DYNC2I1: variants seen among roughly 807,000 people sequenced by gnomAD.
DYNC2I1 encodes cytoplasmic dynein 2 intermediate chain 1.
DYNC2I1 carries 89 observed loss-of-function variants against 133.4 expected under a neutral mutation model. The ratio of observed to expected loss-of-function variants is 0.67; its 90% CI spans 0.56 to 0.80. The LOEUF (loss-of-function observed/expected upper bound fraction) is 0.80. Ranked by LOEUF, DYNC2I1 falls within the 30% of genes least tolerant of loss-of-function variation. The pLI is 0.00. For missense variants in DYNC2I1, 1,291 were observed against 1,314.5 expected, an observed-to-expected ratio of 0.98 and a Z score of 0.28; for synonymous variants, 504 against 484.3, an observed-to-expected ratio of 1.04 and a Z score of -0.54.
intron 16 of DYNC2I1, among the ~76,000 whole-genome samples, chr7:158,923,073 G>C (rs185962602): frequency 2.0e-5 from 3 of 152,304 alleles, no homozygotes; most frequent in African/African-American, 7.2e-5. Flanking sequence ...CTTGAGGACT[G>C]TGCGGTGAGG....
At chr7:158,934,635 C>A in intron 23 of DYNC2I1, 86 bp downstream of exon 23, 1 of 1,389,072 alleles carries the variant, frequency 7.2e-7, no homozygotes, top group Non-Finnish European at 9.8e-7. Context: ...AGCTGGAGTG[C>A]AGTGATGTGG....
intron 21 of DYNC2I1, among the ~76,000 whole-genome samples, 194 bp downstream of exon 21, chr7:158,930,709 C>T (rs1377129407): frequency 1.3e-5 from 2 of 152,038 alleles, no homozygotes; most frequent in African/African-American, 4.8e-5. Flanking sequence ...ACTCTTGTTG[C>T]CCCGGCTGGA....
At chr7:158,890,904 C>T (rs1845145613) in intron 7 of DYNC2I1, among the ~76,000 whole-genome samples, 1 of 152,140 alleles carries the variant, frequency 6.6e-6, no homozygotes, top group Admixed American at 6.6e-5. Context: ...CATAGATCTT[C>T]CTAGTGTCAT....
chr7:158,949,673 A>G (rs1851994784), downstream of DYNC2I1, among the ~76,000 whole-genome samples: 1 of 152,262 alleles, frequency 6.6e-6, no homozygotes, highest in Non-Finnish European at 1.5e-5. Flanking sequence ...AGGAGCGGAA[A>G]GCTAGAGGAG....
chr7:158,916,139 G>A (rs1210263195), intron 14 of DYNC2I1, among the ~76,000 whole-genome samples: 13 of 81,050 alleles, frequency 1.6e-4, no homozygotes, highest in South Asian at 3.6e-4. Flanking sequence ...GTGAAACGTC[G>A]ACATGGTGGT....
intron 24 of DYNC2I1, among the ~76,000 whole-genome samples, chr7:158,943,645 G>T (rs1401727275): frequency 1.3e-5 from 2 of 152,172 alleles, no homozygotes; most frequent in African/African-American, 2.4e-5. Flanking sequence ...CTGAGCACAG[G>T]AGCCCCAGCT....
chr7:158,889,370 A>T (rs1172960577), intron 7 of DYNC2I1, among the ~76,000 whole-genome samples: 1 of 151,954 alleles, frequency 6.6e-6, no homozygotes, highest in Non-Finnish European at 1.5e-5. Context: ...GTGAGCCACC[A>T]CGTCTGGCCA....
intron 14 of DYNC2I1, among the ~76,000 whole-genome samples, chr7:158,916,782 G>C (rs1352861477): frequency 8.4e-5 from 3 of 35,794 alleles, no homozygotes; most frequent in Non-Finnish European, 1.8e-4. Flanking sequence ...ATTGTGAAAC[G>C]TCGACACGCT....
At chr7:158,887,455 T>C (rs1425067839) in intron 7 of DYNC2I1, among the ~76,000 whole-genome samples, 1 of 151,624 alleles carries the variant, frequency 6.6e-6, no homozygotes, top group Non-Finnish European at 1.5e-5. Context: ...AACAAGAGGG[T>C]CCCAAAACAC....
intron 7 of DYNC2I1, among the ~76,000 whole-genome samples, chr7:158,890,686 G>A (rs376796685): frequency 6.6e-6 from 1 of 151,486 alleles, no homozygotes; most frequent in Non-Finnish European, 1.5e-5. Flanking sequence ...AGATTTTCCT[G>A]CCTCAGCCTC....
intron 11 of DYNC2I1, among the ~76,000 whole-genome samples, chr7:158,910,121 A>G (rs1363171204): frequency 2.0e-5 from 3 of 152,266 alleles, no homozygotes; most frequent in Non-Finnish European, 4.4e-5. Flanking sequence ...CCCAGTGAGG[A>G]GTAACAAACA....
At chr7:158,860,061 T>C (rs1009356875) in intron 1 of DYNC2I1, among the ~76,000 whole-genome samples, 1 of 152,066 alleles carries the variant, frequency 6.6e-6, no homozygotes, top group South Asian at 2.1e-4. Context: ...TTAGAGTTTT[T>C]TTTTTTTTTT....
chr7:158,880,136 AC>A, intron 5 of DYNC2I1, 147 bp downstream of exon 5: 1 of 848,374 alleles, frequency 1.2e-6, no homozygotes, highest in Non-Finnish European at 1.8e-6. Context: ...AGTCTTGATT[AC>A]GTGGTTAGTA....
intron 5 of DYNC2I1, among the ~76,000 whole-genome samples, chr7:158,883,658 CTT>C (rs762388455): frequency 0.064 from 5,471 of 85,818 alleles, 58 homozygotes; most frequent in African/African-American, 0.13. Flanking sequence ...CCAGTGACTT[CTT>C]TTTTTTTTTT....
At position 158,912,891 on chromosome 7, in the gene DYNC2I1, C is replaced by G. The variant is rs761075026; in HGVS notation, c.1591-94C>G. 3 of 892,606 alleles carry G rather than the reference C, an allele frequency of 3.4e-6. No homozygotes were observed. The Admixed American group carries it at 7.6e-5, about 23-fold the overall frequency. The allele number at this position is 892,606 out of a possible 1,614,324, so 55.3% of individuals were successfully genotyped here. On this transcript the variant is annotated intron_variant, in intron 12 of 24. Coordinates refer to ENST00000407559, the MANE Select transcript of DYNC2I1 (RefSeq NM_018051.5). The stretch of plus-strand genomic sequence containing the variant: ...ATTGTTCTTTATGCTTTGATACTTA[C>G]TTTTGACACAGTGACTCTCATTATT...
At chr7:158,940,619 G>A (rs2129488555) in intron 23 of DYNC2I1, among the ~76,000 whole-genome samples, 1 of 152,262 alleles carries the variant, frequency 6.6e-6, no homozygotes. Context: ...CAGAAGAATA[G>A]AAATCATATT....
At position 158,891,317 on chromosome 7, in the gene DYNC2I1, G is replaced by C. The variant is rs183547176; in HGVS notation, c.1043G>C (p.Gly348Ala). Residue 348 changes from glycine (G) to alanine (A), a missense_variant, in exon 8 of 25, where the codon GGA (glycine) becomes GCA (alanine). Transcript: ENST00000407559. ...SVWWKLDQRPGGEETVEIEKE... is the reference protein window; with the variant it reads ...SVWWKLDQRPAGEETVEIEKE... ...TGGTGGAAGCTGGACCAGAGGCCGGGAGGCGAGGAAACCGTGGTAAGGAGA... is the reference window on the plus strand; with the variant it reads ...TGGTGGAAGCTGGACCAGAGGCCGGCAGGCGAGGAAACCGTGGTAAGGAGA... The C allele has an allele frequency of 1.9e-6, 3 of 1,613,942 alleles. No homozygotes were observed. In the South Asian group the frequency reaches 3.3e-5, roughly 18 times the overall value.
At chr7:158,849,385 G>A in the DYNC2I1 span, among the ~76,000 whole-genome samples, 4 of 152,188 alleles carry the variant, frequency 2.6e-5, no homozygotes, top group African/African-American at 4.8e-5. Context: ...TTTGAGAAAC[G>A]TTAATTGTGT....
intron 24 of DYNC2I1, among the ~76,000 whole-genome samples, chr7:158,943,496 G>T (rs889462436): frequency 3.3e-5 from 5 of 152,200 alleles, no homozygotes; most frequent in African/African-American, 9.7e-5. Flanking sequence ...GGCCGAGGGG[G>T]CAGGAAGGAT....
Sources: allele counts gnomAD v4.1 joint callset (sites outside exome capture counted in the v4.1 genomes callset), GRCh38; gene constraint gnomAD v4.1.1; transcripts MANE v1.5; gene names NCBI Gene and HGNC (gene_info 2026-07-23, HGNC 2026-07-21).